The following ARHGAP40 variants were observed in gnomAD, a reference collection of about 807,000 sequenced individuals.
ARHGAP40 encodes Rho GTPase activating protein 40.
A neutral mutation model predicts 73.5 loss-of-function variants in ARHGAP40; 43 were observed. The ratio of observed to expected loss-of-function variants is 0.58; its 90% CI spans 0.46 to 0.75. ARHGAP40 has a LOEUF of 0.75. Among genes scored for constraint, ARHGAP40 ranks in the 30% least tolerant of loss-of-function variants. The pLI is 0.00. For missense variants in ARHGAP40, 734 were observed against 861.8 expected (o/e 0.85, Z 1.86); for synonymous variants, 300 against 352.8 (o/e 0.85, Z 1.68).
At chr20:38,629,568 A>C in exon 5 of ARHGAP40, 2 of 1,305,356 alleles carry the variant, frequency 1.5e-6, no homozygotes, top group Non-Finnish European at 2.0e-6. Context: ...GACTCTGCCT[A>C]CTCAGAACAA....
At chr20:38,615,211 G>A (rs970191251) in intron 1 of ARHGAP40, 1 of 781,530 alleles carries the variant, frequency 1.3e-6, no homozygotes, top group Non-Finnish European at 2.4e-6. Context: ...AGGCTGGTGG[G>A]CATTGAGGTA....
At position 38,646,921 on chromosome 20, in the gene ARHGAP40, T is replaced by G; in HGVS notation, c.1711-36T>G. 7.8e-7 allele frequency: 1 copy of G among 1,286,490 alleles called. No individual in the cohort carries two copies. Among genetic ancestry groups the G allele is most frequent in the African/African-American group, 1.5e-5 (1 of 65,460 alleles). The allele number at this position is 1,286,490 out of a possible 1,614,324, so 79.7% of individuals were successfully genotyped here. On this transcript the variant is annotated intron_variant, in intron 12 of 14. Transcript: ENST00000373345. The surrounding 1 kb of genome is among the most constrained non-coding windows in gnomAD (Gnocchi z 4.5). The stretch of plus-strand genomic sequence containing the variant: ...GTTGGAACTCCAGGCAAGCTGACTC[T>G]TATGTATATGGATCTTTCTCTCTCT...
chr20:38,611,226 G>A (rs1485572394), intron 1 of ARHGAP40, among the ~76,000 whole-genome samples: 1 of 151,960 alleles, frequency 6.6e-6, no homozygotes, highest in African/African-American at 2.4e-5. Context: ...GTCAGATGCT[G>A]TGCCTAAACT....
chr20:38,613,360 C>T (rs1165294206), intron 1 of ARHGAP40, among the ~76,000 whole-genome samples: 2 of 152,134 alleles, frequency 1.3e-5, no homozygotes, highest in African/African-American at 4.8e-5. Flanking sequence ...TCCATCAGTT[C>T]CCACCCAACT....
At chr20:38,626,798 A>C (rs2088900781) in intron 2 of ARHGAP40, among the ~76,000 whole-genome samples, 197 bp from the exon 3 acceptor site, 8 of 149,772 alleles carry the variant, frequency 5.3e-5, no homozygotes, top group East Asian at 2.0e-4. Context: ...AGTACCCCCC[A>C]CCCCGCCCCC....
rs1045851111 is a variant in ARHGAP40 at position 38,648,794 on chromosome 20, A to G, written c.1936+96A>G. 2.1e-5 allele frequency: 21 copies of G among 992,198 alleles called. No individual in the cohort carries two copies. The African/African-American group carries it at 3.1e-4, about 15-fold the overall frequency. The allele number at this position is 992,198 out of a possible 1,614,324, so 61.5% of individuals were successfully genotyped here. A position where few individuals can be genotyped will look rare whatever the true frequency, so the allele number is the denominator to read the frequency against. ...GGGCCCTTCTGTGGGAGGCCAGAGT[A>G]GGCCTGCAGATGAGCCCTCCCTTCA... On this transcript the variant is annotated intron_variant, in intron 14 of 14. Coordinates refer to ENST00000373345, the Ensembl canonical transcript of ARHGAP40.
chr20:38,639,837 T>C (rs148186015), intron 9 of ARHGAP40, among the ~76,000 whole-genome samples: 1 of 152,382 alleles, frequency 6.6e-6, no homozygotes, highest in African/African-American at 2.4e-5. Flanking sequence ...TCTGCATATA[T>C]ATGTTCCTGT....
chr20:38,641,075 G>A (rs942991471), intron 9 of ARHGAP40, among the ~76,000 whole-genome samples: 2 of 151,340 alleles, frequency 1.3e-5, no homozygotes, highest in South Asian at 4.2e-4. Context: ...AAGGAAAGAA[G>A]GGAAGGAGGG....
At position 38,646,168 on chromosome 20, in the gene ARHGAP40, C is replaced by T. The variant is rs1003378356; in HGVS notation, c.1691C>T (p.Ala564Val). ...AGGATGCACGCAGACAGGGACAAGGCGGGGGACGGCCTCGAGGCGGTGAGT... is the reference window on the plus strand; with the variant it reads ...AGGATGCACGCAGACAGGGACAAGGTGGGGGACGGCCTCGAGGCGGTGAGT... Residue 564 changes from alanine to valine, a missense_variant, in exon 12 of 15, where the codon GCG (alanine) becomes GTG (valine). Ala to Val is a moderately conservative substitution (Grantham distance 64). Coordinates refer to ENST00000373345, the Ensembl canonical transcript of ARHGAP40. This position sits in a 1 kb window ranked among gnomAD's most constrained non-coding sequence, Gnocchi z 4.5. The T allele has an allele frequency of 7.7e-6, 10 of 1,302,914 alleles. No individual in the cohort carries two copies. The African/African-American group carries it at 1.4e-4, about 18-fold the overall frequency. The allele number at this position is 1,302,914 out of a possible 1,614,324, so 80.7% of individuals were successfully genotyped here.
At chr20:38,643,145 C>CAA (rs61492761) in intron 10 of ARHGAP40, among the ~76,000 whole-genome samples, 1,893 of 133,386 alleles carry the variant, frequency 0.014, 34 homozygotes, top group African/African-American at 0.05. Flanking sequence ...GACTCTGACT[C>CAA]AAAAAAAAAA....
intron 1 of ARHGAP40, among the ~76,000 whole-genome samples, chr20:38,621,928 G>A (rs1196263717): frequency 2.0e-5 from 3 of 152,062 alleles, no homozygotes; most frequent in Non-Finnish European, 4.4e-5. Flanking sequence ...GGTCATGTGT[G>A]CCTGTAGTCC....
intron 14 of ARHGAP40, 111 bp downstream of exon 14, chr20:38,648,809 C>A: frequency 4.9e-6 from 4 of 813,630 alleles, no homozygotes; most frequent in Non-Finnish European, 7.1e-6. Context: ...TGCAGATGAG[C>A]CCTCCCTTCA....
intron 9 of ARHGAP40, among the ~76,000 whole-genome samples, chr20:38,640,151 C>CTCTTCCTCTTCTTTCTTCTT (rs143511549): frequency 7.3e-6 from 1 of 136,766 alleles, no homozygotes; most frequent in Admixed American, 7.1e-5. Context: ...TTTCTTCTTC[C>CTCTTCCTCTTCTTTCTTCTT]TCTTCTTTCT....
At chr20:38,628,300 T>A (rs999156681) in intron 3 of ARHGAP40, among the ~76,000 whole-genome samples, 1 of 148,352 alleles carries the variant, frequency 6.7e-6, no homozygotes, top group African/African-American at 2.5e-5. Context: ...TCATTATCAG[T>A]ACAAAATCCT....
intron 1 of ARHGAP40, among the ~76,000 whole-genome samples, chr20:38,611,593 T>C (rs1350154403): frequency 6.6e-6 from 1 of 151,832 alleles, no homozygotes; most frequent in African/African-American, 2.4e-5. Flanking sequence ...AATTTTTTTT[T>C]TTCAGACGGA....
At chr20:38,614,308 G>C (rs2088821612) in intron 1 of ARHGAP40, among the ~76,000 whole-genome samples, 1 of 152,142 alleles carries the variant, frequency 6.6e-6, no homozygotes, top group Non-Finnish European at 1.5e-5. Context: ...ACGATTCCCT[G>C]GCGTACCCAT....
At chr20:38,603,451 A>ATCTATCTGTCTG (rs71189928) in intron 1 of ARHGAP40, among the ~76,000 whole-genome samples, 4 of 150,126 alleles carry the variant, frequency 2.7e-5, no homozygotes, top group East Asian at 2.0e-4. Flanking sequence ...CTATCTATCT[A>ATCTATCTGTCTG]TCTATCTATC....
At chr20:38,608,452 T>TGGTC (rs1352742144) in intron 1 of ARHGAP40, among the ~76,000 whole-genome samples, 1 of 151,392 alleles carries the variant, frequency 6.6e-6, no homozygotes, top group African/African-American at 2.5e-5. Context: ...GGCTGCTCGT[T>TGGTC]GGTCGGAAGG....
chr20:38,619,654 G>A (rs927472864), intron 1 of ARHGAP40, among the ~76,000 whole-genome samples: 2 of 144,778 alleles, frequency 1.4e-5, no homozygotes, highest in Non-Finnish European at 3.0e-5. Context: ...CCTGGTAGTG[G>A]GGCTTTCAAC....
Sources: gnomAD v4.1 joint callset for allele counts (sites outside exome capture counted in the v4.1 genomes callset) on GRCh38, gnomAD v4.1.1 for gene constraint, Gnocchi (gnomAD v3.1) non-coding constraint, MANE v1.5 for transcripts, NCBI Gene and HGNC (gene_info 2026-07-23, HGNC 2026-07-21) for gene names.